USP32: variants seen among roughly 807,000 people sequenced by gnomAD.
USP32 encodes ubiquitin carboxyl-terminal hydrolase 32.
In USP32, 59 loss-of-function variants were observed where a neutral mutation model predicts 204.8. That is an observed-to-expected ratio of 0.29 (90% confidence interval 0.23 to 0.36). USP32 has a LOEUF of 0.36. Ranked by LOEUF, USP32 falls within the 10% of genes least tolerant of loss-of-function variation. USP32 has a pLI of 1.00. For missense variants in USP32, 1,160 were observed against 1,946.4 expected (o/e 0.60, Z 7.60); for synonymous variants, 517 against 678.4 (o/e 0.76, Z 3.70).
chr17:60,239,797 A>T (rs2085828485), intron 11 of USP32, among the ~76,000 whole-genome samples: 1 of 152,186 alleles, frequency 6.6e-6, no homozygotes, highest in Non-Finnish European at 1.5e-5. Flanking sequence ...CAAGTGGCAC[A>T]ATCTCAGATC....
At chr17:60,309,105 A>C (rs1230241495) in intron 2 of USP32, among the ~76,000 whole-genome samples, 1 of 152,216 alleles carries the variant, frequency 6.6e-6, no homozygotes, top group Non-Finnish European at 1.5e-5. Context: ...ATACTTCAAA[A>C]GGGCAAATAA....
At chr17:60,252,877 C>G (rs1376519565) in intron 10 of USP32, among the ~76,000 whole-genome samples, 1 of 152,040 alleles carries the variant, frequency 6.6e-6, no homozygotes, top group African/African-American at 2.4e-5. Flanking sequence ...TTTTAAAACA[C>G]AGATAGAAAA....
chr17:60,186,228 G>T (rs1197521252), intron 29 of USP32, among the ~76,000 whole-genome samples: 1 of 152,166 alleles, frequency 6.6e-6, no homozygotes, highest in Non-Finnish European at 1.5e-5. Context: ...AAAAAGAATT[G>T]CATTTATTTA....
intron 9 of USP32, chr17:60,257,207 T>C (rs1382314241): frequency 1.9e-5 from 3 of 156,698 alleles, no homozygotes; most frequent in African/African-American, 7.2e-5. Flanking sequence ...TTTAAGGCAA[T>C]AATTTTATTA....
chr17:60,421,919 A>G, intron 1 of USP32: 4 of 985,610 alleles, frequency 4.1e-6, no homozygotes, highest in Non-Finnish European at 4.8e-6. Flanking sequence ...CCGCTGCGGT[A>G]CCTGCCCCAG....
chr17:60,257,569 A>G (rs1284330502), intron 9 of USP32, among the ~76,000 whole-genome samples: 1 of 152,160 alleles, frequency 6.6e-6, no homozygotes, highest in Non-Finnish European at 1.5e-5. Flanking sequence ...AGCTCACTGC[A>G]GTCCCAAACT....
At chr17:60,269,634 A>T in intron 6 of USP32, 77 bp from the exon 7 acceptor site, 1 of 1,252,474 alleles carries the variant, frequency 8.0e-7, no homozygotes, top group African/African-American at 1.5e-5. Context: ...CAAAAGGAGG[A>T]ATGACTCTTT....
At chr17:60,398,180 C>T (rs1168345554) in intron 1 of USP32, among the ~76,000 whole-genome samples, 5 of 152,122 alleles carry the variant, frequency 3.3e-5, no homozygotes, top group Non-Finnish European at 7.4e-5. Context: ...GCTTGGGCAA[C>T]ATACGGAGAC....
intron 2 of USP32, chr17:60,315,740 G>A (rs1238446866): frequency 6.6e-6 from 1 of 152,220 alleles, no homozygotes; most frequent in African/African-American, 2.4e-5. Context: ...AAAAAAGAAT[G>A]GGTGTTTGCA....
chr17:60,192,791 T>A (rs2084418575), intron 28 of USP32, 53 bp downstream of exon 28: 1 of 1,588,186 alleles, frequency 6.3e-7, no homozygotes, highest in Non-Finnish European at 8.6e-7. Flanking sequence ...GAAAACTGTA[T>A]AATATCTAAA....
intron 1 of USP32, among the ~76,000 whole-genome samples, chr17:60,370,764 CAAAAA>C (rs112650493): frequency 4.1e-5 from 3 of 72,708 alleles, no homozygotes; most frequent in African/African-American, 7.5e-5. Flanking sequence ...GCTACTGTCT[CAAAAA>C]AAAAAAAAAA....
intron 2 of USP32, among the ~76,000 whole-genome samples, chr17:60,329,329 A>G (rs2088321659): frequency 6.6e-6 from 1 of 151,440 alleles, no homozygotes; most frequent in South Asian, 2.1e-4. Context: ...GGGTCTTAGG[A>G]TAGGACTGTG....
At chr17:60,397,487 G>A (rs932649100) in intron 1 of USP32, among the ~76,000 whole-genome samples, 1 of 152,082 alleles carries the variant, frequency 6.6e-6, no homozygotes, top group Non-Finnish European at 1.5e-5. Flanking sequence ...TGAGCCTCCA[G>A]AGTAGCTGGA....
chr17:60,421,668 C>T (rs770283366), intron 1 of USP32: 16 of 907,326 alleles, frequency 1.8e-5, no homozygotes, highest in Non-Finnish European at 2.0e-5. Flanking sequence ...GCTGCCGCGC[C>T]AGGGGCGAGG....
chr17:60,204,173 C>CT, intron 26 of USP32, among the ~76,000 whole-genome samples: 1 of 151,952 alleles, frequency 6.6e-6, no homozygotes, highest in Non-Finnish European at 1.5e-5. Context: ...CTTGTATCCT[C>CT]TAAGAAAAAA....
intron 1 of USP32, among the ~76,000 whole-genome samples, chr17:60,406,668 A>T (rs1029638632): frequency 6.6e-6 from 1 of 151,924 alleles, no homozygotes; most frequent in African/African-American, 2.4e-5. Flanking sequence ...GGCACGCGCC[A>T]CCACGCCCAG....
intron 11 of USP32, among the ~76,000 whole-genome samples, chr17:60,237,160 A>G (rs1306149390): frequency 6.6e-6 from 1 of 150,444 alleles, no homozygotes; most frequent in Non-Finnish European, 1.5e-5. Context: ...CTATCTATCT[A>G]TCTACAGAAT....
At chr17:60,303,849 A>T (rs2087651553) in intron 2 of USP32, among the ~76,000 whole-genome samples, 1 of 152,204 alleles carries the variant, frequency 6.6e-6, no homozygotes. Flanking sequence ...AGATTATCCA[A>T]AACGAAACAA....
chr17:60,308,789 G>A (rs1254258596), intron 2 of USP32, among the ~76,000 whole-genome samples: 2 of 152,134 alleles, frequency 1.3e-5, no homozygotes, highest in East Asian at 1.9e-4. Context: ...TTAGCTGAGC[G>A]TGGTGGCGCA....
Sources: gnomAD v4.1 joint callset for allele counts (sites outside exome capture counted in the v4.1 genomes callset) on GRCh38, gnomAD v4.1.1 for gene constraint, MANE v1.5 for transcripts, NCBI Gene and HGNC (gene_info 2026-07-23, HGNC 2026-07-21) for gene names.